Variants in CSMD1 observed in about 807,000 individuals in gnomAD.
The protein encoded by CSMD1 is CUB and sushi domain-containing protein 1.
CSMD1 carries 213 observed loss-of-function variants against 417.5 expected under a neutral mutation model. The ratio of observed to expected loss-of-function variants is 0.51; its 90% CI spans 0.46 to 0.57. CSMD1 has a LOEUF of 0.57. Among genes scored for constraint, CSMD1 ranks in the 20% least tolerant of loss-of-function variants. CSMD1 has a pLI of 0.00. For missense variants in CSMD1, 6,923 were observed against 4,529.7 expected, an observed-to-expected ratio of 1.53 and a Z score of -15.17; for synonymous variants, 2,862 against 1,736.8, an observed-to-expected ratio of 1.65 and a Z score of -16.11.
intron 3 of CSMD1, among the ~76,000 whole-genome samples, chr8:4,046,118 A>G (rs533620823): frequency 6.6e-6 from 1 of 152,268 alleles, no homozygotes; most frequent in East Asian, 1.9e-4. Context: ...TCTATAGCTC[A>G]TATATATCTG....
At position 4,890,137 on chromosome 8, in the gene CSMD1, C is replaced by A. The variant is rs188241626; in HGVS notation, c.85+104195G>T. The stretch of plus-strand genomic sequence containing the variant: ...TTTTATGATGGCCTCTAGAAAAATC[C>A]CATTTTCCCCTTAATTTTGTTTTAA... On this transcript the variant is annotated intron_variant, in intron 1 of 69. Coordinates refer to ENST00000635120, the MANE Select transcript of CSMD1 (RefSeq NM_033225.6). Among the ~76,000 whole-genome samples the A allele has an allele frequency of 1.2e-3, 181 of 152,178 alleles. 1 individual carries two copies. The highest frequency in any genetic ancestry group is 5.8e-3 in the Admixed American group (89 of 15,290).
chr8:4,060,592 G>A (rs1041225590), intron 3 of CSMD1, among the ~76,000 whole-genome samples: 3 of 152,156 alleles, frequency 2.0e-5, no homozygotes, highest in African/African-American at 7.2e-5. Flanking sequence ...GTCATTCTGG[G>A]TTTCGGAACT....
At chr8:3,161,441 A>T (rs1819884519) in intron 38 of CSMD1, among the ~76,000 whole-genome samples, 1 of 151,964 alleles carries the variant, frequency 6.6e-6, no homozygotes. Context: ...ACATGGTGAA[A>T]CCCCATCTCT....
chr8:3,121,405 G>C (rs1270169863), intron 41 of CSMD1, among the ~76,000 whole-genome samples: 1 of 152,192 alleles, frequency 6.6e-6, no homozygotes, highest in African/African-American at 2.4e-5. Context: ...AGGACACATA[G>C]TGGCAAAAGC....
intron 1 of CSMD1, among the ~76,000 whole-genome samples, chr8:4,899,664 C>T (rs1415575709): frequency 6.6e-6 from 1 of 152,066 alleles, no homozygotes; most frequent in Non-Finnish European, 1.5e-5. Context: ...ATAAGATGAC[C>T]ATGTCTTGAA....
intron 3 of CSMD1, among the ~76,000 whole-genome samples, chr8:4,078,939 A>ATG (rs1323758204): frequency 3.5e-4 from 7 of 19,782 alleles, no homozygotes; most frequent in Non-Finnish European, 2.6e-4. Flanking sequence ...ATATATATAT[A>ATG]TATGTATGTT....
rs143724779 is a variant in CSMD1 at position 3,968,682 on chromosome 8, A to G, written c.818+29221T>C. 2.7e-3 allele frequency among the ~76,000 whole-genome samples: 413 copies of G among 152,236 alleles called. 1 individual carries two copies. The highest frequency in any genetic ancestry group is 9.4e-3 in the African/African-American group (392 of 41,546). On this transcript the variant is annotated intron_variant, in intron 5 of 69. Coordinates refer to ENST00000635120, the MANE Select transcript of CSMD1 (RefSeq NM_033225.6). Reference sequence around the variant, plus strand: ...ATCCCGAAAGCTGATAGTGTTAGTCATTAAGCTTGCTCTTACTACAGGGTC... The same window carrying G: ...ATCCCGAAAGCTGATAGTGTTAGTCGTTAAGCTTGCTCTTACTACAGGGTC...
rs552436961 is a variant in CSMD1 at position 4,293,153 on chromosome 8, T to G, written c.415+126800A>C. ...TCAGTTTTGTCCCGCACCTGCCCTT[T>G]GTCCAGTATACTCTGAGGACTGAAC... is the stretch of plus-strand genomic sequence containing the variant. On this transcript the variant is annotated intron_variant, in intron 3 of 69. Transcript: ENST00000635120. Among the ~76,000 whole-genome samples the G allele has an allele frequency of 2.0e-5, 3 of 152,258 alleles. No individual in the cohort carries two copies. The South Asian group carries it at 6.2e-4, about 32-fold the overall frequency.
At chr8:4,791,784 T>C (rs1372333502) in intron 1 of CSMD1, among the ~76,000 whole-genome samples, 6 of 152,220 alleles carry the variant, frequency 3.9e-5, no homozygotes, top group Non-Finnish European at 7.3e-5. Context: ...CATTTCACTT[T>C]GAGATTCCTC....
intron 1 of CSMD1, among the ~76,000 whole-genome samples, chr8:4,835,836 C>T (rs1800444977): frequency 6.6e-6 from 1 of 151,746 alleles, no homozygotes; most frequent in African/African-American, 2.4e-5. Context: ...ATTACTTGTA[C>T]ATCAAGCCAA....
intron 54 of CSMD1, among the ~76,000 whole-genome samples, chr8:2,994,078 G>A (rs1315253859): frequency 2.8e-5 from 4 of 145,178 alleles, no homozygotes; most frequent in South Asian, 4.3e-4. Context: ...CCCTGGAGGC[G>A]GAAGTTGCAG....
chr8:4,715,745 C>A (rs2116884351), intron 1 of CSMD1, among the ~76,000 whole-genome samples: 1 of 152,266 alleles, frequency 6.6e-6, no homozygotes, highest in Middle Eastern at 3.4e-3. Flanking sequence ...TTCTCTCACA[C>A]ATATCCAACT....
At chr8:4,956,816 T>C (rs1273084311) in intron 1 of CSMD1, among the ~76,000 whole-genome samples, 4 of 152,198 alleles carry the variant, frequency 2.6e-5, no homozygotes, top group African/African-American at 4.8e-5. Flanking sequence ...CTCCCACCTG[T>C]TGCATTGCTT....
rs1585389992 is a variant in CSMD1, at chr8:4,648,949, A to C, written c.86-11391T>G. ...TCTGCAATGAAGCCAGCACTTCCTT[A>C]GTACTGACACCTAGTATCCTAGGGC... On this transcript the variant is annotated intron_variant, in intron 1 of 69. Coordinates refer to ENST00000635120, the MANE Select transcript of CSMD1 (RefSeq NM_033225.6). Among the ~76,000 whole-genome samples, 3 of 152,368 alleles carry C rather than the reference A, an allele frequency of 2.0e-5. No homozygotes were observed. In the South Asian group the frequency reaches 6.2e-4, roughly 32 times the overall value.
chr8:4,372,578 A>G (rs574743829), intron 3 of CSMD1, among the ~76,000 whole-genome samples: 1 of 151,694 alleles, frequency 6.6e-6, no homozygotes, highest in South Asian at 2.1e-4. Context: ...TCTAGGTTTG[A>G]GGTACACTTA....
chr8:4,421,289 G>T (rs1389325429), intron 2 of CSMD1, among the ~76,000 whole-genome samples: 1 of 152,162 alleles, frequency 6.6e-6, no homozygotes, highest in Non-Finnish European at 1.5e-5. Flanking sequence ...TCCTGTGACT[G>T]AAGACCAGCA....
intron 5 of CSMD1, among the ~76,000 whole-genome samples, chr8:3,970,943 G>A (rs1378414143): frequency 6.6e-6 from 1 of 152,084 alleles, no homozygotes; most frequent in African/African-American, 2.4e-5. Flanking sequence ...TGGAGATGAG[G>A]TTTCACCATG....
rs896050863 is a variant in CSMD1, at chr8:4,119,558, G to A, written c.416-87459C>T. 4.7e-5 allele frequency among the ~76,000 whole-genome samples: 7 copies of A among 149,544 alleles called. No individual in the cohort carries two copies. The East Asian group carries it at 1.4e-3, about 30-fold the overall frequency. The stretch of plus-strand genomic sequence containing the variant: ...AACCAAGTTTAGATGAGGCCTTAAG[G>A]GTGTAGACCAGAGGATAATAGTAGT... On this transcript the variant is annotated intron_variant, in intron 3 of 69. Transcript: ENST00000635120.
At chr8:4,587,921 A>G (rs1183080604) in intron 2 of CSMD1, among the ~76,000 whole-genome samples, 1 of 152,220 alleles carries the variant, frequency 6.6e-6, no homozygotes, top group African/African-American at 2.4e-5. Context: ...TTTTAAACTC[A>G]CTTCCAGTGA....
Sources: allele counts gnomAD v4.1 joint callset (sites outside exome capture counted in the v4.1 genomes callset), GRCh38; gene constraint gnomAD v4.1.1; transcripts MANE v1.5; gene names NCBI Gene and HGNC (gene_info 2026-07-23, HGNC 2026-07-21).